The following TRIM16 variants were observed in gnomAD, a reference collection of about 807,000 sequenced individuals.
The protein encoded by TRIM16 is tripartite motif-containing protein 16.
TRIM16 carries 33 observed loss-of-function variants against 50.4 expected under a neutral mutation model. The observed-to-expected ratio is 0.65, with a 90% confidence interval of 0.50 to 0.88. The LOEUF is 0.88. Among genes scored for constraint, TRIM16 ranks in the 40% least tolerant of loss-of-function variants. The probability of loss-of-function intolerance (pLI) is 0.00; values close to 1 mark genes in which losing one functional copy is unlikely to be tolerated. For synonymous variants in TRIM16, 229 were observed against 270.7 expected (o/e 0.85, Z 1.51); for missense variants, 581 against 686.8 (o/e 0.85, Z 1.72).
rs773924634 is a variant in TRIM16 at position 15,677,616 on chromosome 17, C to G, written c.-484G>C. On this transcript the variant is annotated 5_prime_UTR_variant, in exon 5 of 12. Coordinates refer to ENST00000649191, the MANE Select transcript of TRIM16 (RefSeq NM_001348119.1). ...CCTATAGTTCTCCAGCATTACATCC[C>G]TGTACAAGACTCTCTGAGCAAGGTC... 9.5e-7 allele frequency: 1 copy of G among 1,052,170 alleles called. No individual in the cohort carries two copies. Among genetic ancestry groups the G allele is most frequent in the Non-Finnish European group, 1.2e-6 (1 of 862,748 alleles). The allele number at this position is 1,052,170 out of a possible 1,614,324, so 65.2% of individuals were successfully genotyped here. A position where few individuals can be genotyped will look rare whatever the true frequency, so the allele number is the denominator to read the frequency against.
At chr17:15,637,186 C>CT (rs1986821552) in intron 8 of TRIM16, among the ~76,000 whole-genome samples, 1 of 144,480 alleles carries the variant, frequency 6.9e-6, no homozygotes. Flanking sequence ...GTCAGCCCCC[C>CT]GCCTGGCCAG....
intron 4 of TRIM16, among the ~76,000 whole-genome samples, chr17:15,679,191 C>A (rs995914708): frequency 6.6e-6 from 1 of 152,020 alleles, no homozygotes; most frequent in Non-Finnish European, 1.5e-5. Flanking sequence ...CAGATGCAGA[C>A]TCTTAATATA....
intron 8 of TRIM16, among the ~76,000 whole-genome samples, chr17:15,642,039 T>G (rs1017900490): frequency 1.3e-5 from 2 of 148,362 alleles, no homozygotes; most frequent in African/African-American, 2.5e-5. Context: ...AGTCAGGGTT[T>G]CACCGTGTTG....
rs1242870943 is a variant in TRIM16, at chr17:15,684,267, A to C, written c.-970T>G. On this transcript the variant is annotated 5_prime_UTR_variant, in exon 1 of 12. Transcript: ENST00000649191. ...CTGCTCTGGGGGACAGGGAGGACAC[A>C]GACTCGCCACGCGCGGAGATCCTCC... The C allele has an allele frequency of 6.6e-6, 1 of 152,220 alleles. No homozygotes were observed. The highest frequency in any genetic ancestry group is 1.5e-5 in the Non-Finnish European group (1 of 68,064). The allele number at this position is 152,220 out of a possible 1,614,324, so 9.4% of individuals were successfully genotyped here.
Position 15,651,605 on chromosome 17 carries a change from G to A in TRIM16, c.5C>T (p.Ala2Val), listed in dbSNP as rs1375317063. 1 of 1,613,544 alleles carries A rather than the reference G, an allele frequency of 6.2e-7. No homozygotes were observed. The highest frequency in any genetic ancestry group is 8.5e-7 in the Non-Finnish European group (1 of 1,179,724). ...CCCTGGAGCCATTAGATCCAACTCA[G>A]CCATCTGGGAGGCTCTGCTCCTAGG... M[A>V]ELDLMAPGPL... Residue 2 changes from alanine (A) to valine (V), a missense_variant, in exon 7 of 12, where the codon GCT (alanine) becomes GTT (valine). Transcript: ENST00000649191.
At position 15,651,467 on chromosome 17, in the gene TRIM16, G is replaced by T. The variant is rs140413277; in HGVS notation, c.143C>A (p.Ser48Ter). The change falls in exon 7 of 12, where the codon TCG becomes TAG. Residue 48 changes from serine (S) to a stop codon, truncating the protein, a stop_gained. Transcript: ENST00000649191. LOFTEE classifies it high-confidence loss of function. ...SPVEEEDVGSSEKLGRETEEQ... is the reference protein window; with the variant it reads ...SPVEEEDVGS ...CTCCGTCTCCCTGCCAAGCTTCTCCGAGGAGCCCACGTCCTCTTCTTCCAC... is the reference window on the plus strand; with the variant it reads ...CTCCGTCTCCCTGCCAAGCTTCTCCTAGGAGCCCACGTCCTCTTCTTCCAC... 3.0e-4 allele frequency: 481 copies of T among 1,611,902 alleles called. 2 individuals are homozygous for T. In the East Asian group the frequency reaches 5.6e-3, roughly 19 times the overall value.
chr17:15,648,266 A>AAC (rs1157618018), intron 7 of TRIM16, among the ~76,000 whole-genome samples: 2 of 150,188 alleles, frequency 1.3e-5, no homozygotes, highest in African/African-American at 4.9e-5. Flanking sequence ...CAAACAAACA[A>AAC]AAAAACACAA....
Position 15,628,131 on chromosome 17 carries a change from A to T in TRIM16, c.*484T>A, listed in dbSNP as rs1467875801. 1 of 153,400 alleles carries T rather than the reference A, an allele frequency of 6.5e-6. No individual in the cohort carries two copies. Among genetic ancestry groups the T allele is most frequent in the African/African-American group, 2.4e-5 (1 of 41,362 alleles). The allele number at this position is 153,400 out of a possible 1,614,324, so 9.5% of individuals were successfully genotyped here. A position where few individuals can be genotyped will look rare whatever the true frequency, so the allele number is the denominator to read the frequency against. ...TGCCTAAAAATTACTACAAACAGGC[A>T]GGGCGCAGTGGCTCACGCATGTAAT... On this transcript the variant is annotated 3_prime_UTR_variant, in exon 12 of 12. Coordinates refer to ENST00000649191, the MANE Select transcript of TRIM16 (RefSeq NM_001348119.1).
At chr17:15,640,715 C>T (rs139471651) in intron 8 of TRIM16, among the ~76,000 whole-genome samples, 1,589 of 148,928 alleles carry the variant, frequency 0.011, 117 homozygotes, top group African/African-American at 0.037. Flanking sequence ...CATTTGGGAG[C>T]GGGGGCAAAT....
intron 6 of TRIM16, among the ~76,000 whole-genome samples, chr17:15,667,223 T>C (rs1236130716): frequency 6.6e-6 from 1 of 152,102 alleles, no homozygotes; most frequent in Non-Finnish European, 1.5e-5. Context: ...CATATTGTCA[T>C]TTGCGCAATG....
At chr17:15,669,287 G>T (rs1988627601) in intron 6 of TRIM16, among the ~76,000 whole-genome samples, 1 of 151,550 alleles carries the variant, frequency 6.6e-6, no homozygotes, top group African/African-American at 2.4e-5. Context: ...AAACTGGAAA[G>T]AACCCAAATG....
intron 6 of TRIM16, among the ~76,000 whole-genome samples, chr17:15,669,100 C>A (rs1988620618): frequency 6.6e-6 from 1 of 151,806 alleles, no homozygotes; most frequent in South Asian, 2.1e-4. Flanking sequence ...AAAATAAAAT[C>A]TTGATAGTAT....
Position 15,634,365 on chromosome 17 carries a change from C to T in TRIM16, c.849+1671G>A, listed in dbSNP as rs150171916. 7.9e-3 allele frequency among the ~76,000 whole-genome samples: 1,160 copies of T among 146,830 alleles called. 100 individuals are homozygous for T. Among genetic ancestry groups the T allele is most frequent in the African/African-American group, 0.028 (1,113 of 39,560 alleles). On this transcript the variant is annotated intron_variant, in intron 9 of 11. Coordinates refer to ENST00000649191, the MANE Select transcript of TRIM16 (RefSeq NM_001348119.1). Reference sequence around the variant, plus strand: ...AAAAAATTGGCCGGGCGCGGTGGCTCACTCCTGTAATCGCAACACTTTGGG... The same window carrying T: ...AAAAAATTGGCCGGGCGCGGTGGCTTACTCCTGTAATCGCAACACTTTGGG...
chr17:15,677,052 T>G, intron 6 of TRIM16, 124 bp downstream of exon 6: 1 of 397,598 alleles, frequency 2.5e-6, no homozygotes, highest in Non-Finnish European at 3.4e-6. Context: ...GCTATTAGGA[T>G]TCTGATGTGG....
At chr17:15,675,810 T>C (rs1316375191) in intron 6 of TRIM16, among the ~76,000 whole-genome samples, 1 of 148,072 alleles carries the variant, frequency 6.8e-6, no homozygotes, top group South Asian at 2.1e-4. Flanking sequence ...TATATACATA[T>C]ATATTTGCAT....
At chr17:15,676,427 TTTTC>T (rs1445924075) in intron 6 of TRIM16, among the ~76,000 whole-genome samples, 5 of 91,610 alleles carry the variant, frequency 5.5e-5, no homozygotes, top group Admixed American at 3.9e-4. Flanking sequence ...CCTGAGAATT[TTTTC>T]TTTTTTTTTT....
rs1986207745 is a variant in TRIM16 at position 15,628,308 on chromosome 17, C to G, written c.*307G>C. 4.1e-6 allele frequency: 1 copy of G among 243,480 alleles called. No homozygotes were observed. Among genetic ancestry groups the G allele is most frequent in the Non-Finnish European group, 7.9e-6 (1 of 127,386 alleles). 15.1% of individuals were successfully genotyped at this position (243,480 alleles called of 1,614,324 possible). A position where few individuals can be genotyped will look rare whatever the true frequency, so the allele number is the denominator to read the frequency against. Reference sequence around the variant, plus strand: ...CCTGTAATCCCAGCTACTCGGGAGGCTGAGGCAGGAGAATTGCTTGAACTC... The same window carrying G: ...CCTGTAATCCCAGCTACTCGGGAGGGTGAGGCAGGAGAATTGCTTGAACTC... On this transcript the variant is annotated 3_prime_UTR_variant, in exon 12 of 12. Transcript: ENST00000649191.
intron 3 of TRIM16, 121 bp from the exon 4 acceptor site, chr17:15,681,074 AT>A: frequency 1.1e-6 from 1 of 872,932 alleles, no homozygotes; most frequent in Non-Finnish European, 1.7e-6. Context: ...AGCTTGAAGG[AT>A]TTTACAGACA....
At chr17:15,664,502 G>A (rs1988387754) in intron 6 of TRIM16, among the ~76,000 whole-genome samples, 1 of 151,958 alleles carries the variant, frequency 6.6e-6, no homozygotes. Flanking sequence ...AGGAGTTTGA[G>A]TGACAACAAA....
Sources: gnomAD v4.1 joint callset for allele counts (sites outside exome capture counted in the v4.1 genomes callset) on GRCh38, gnomAD v4.1.1 for gene constraint, MANE v1.5 for transcripts, NCBI Gene and HGNC (gene_info 2026-07-23, HGNC 2026-07-21) for gene names.